The following SLC25A21 variants were observed in gnomAD, a reference collection of about 807,000 sequenced individuals.
The protein encoded by SLC25A21 is solute carrier family 25 member 21.
A neutral mutation model predicts 43.8 loss-of-function variants in SLC25A21; 47 were observed. The observed-to-expected ratio is 1.07, with a 90% CI of 0.85 to 1.37. SLC25A21 has a LOEUF of 1.37. SLC25A21 is among the 40% of genes most tolerant of loss of function. The pLI is 0.00. For missense variants in SLC25A21, 352 were observed against 350.2 expected (o/e 1.00, Z -0.04); for synonymous variants, 131 against 121.3 (o/e 1.08, Z -0.52).
chr14:36,965,832 G>C (rs1959599868), intron 1 of SLC25A21, among the ~76,000 whole-genome samples: 1 of 152,118 alleles, frequency 6.6e-6, no homozygotes, highest in Non-Finnish European at 1.5e-5. Context: ...TTTGGTTTGA[G>C]ATAAGAGCTT....
chr14:37,032,992 T>C (rs116972842), intron 1 of SLC25A21, among the ~76,000 whole-genome samples: 317 of 152,268 alleles, frequency 2.1e-3, no homozygotes, highest in Non-Finnish European at 3.8e-3. Flanking sequence ...AGAACACATA[T>C]GAAATTTACC....
chr14:37,119,535 C>T (rs948472171), intron 1 of SLC25A21, among the ~76,000 whole-genome samples: 3 of 150,346 alleles, frequency 2.0e-5, no homozygotes, highest in East Asian at 2.0e-4. Context: ...CCAGCCTAGG[C>T]GACAGAGTGA....
intron 1 of SLC25A21, among the ~76,000 whole-genome samples, chr14:36,905,952 A>G (rs1010446474): frequency 1.3e-5 from 2 of 152,178 alleles, no homozygotes; most frequent in African/African-American, 4.8e-5. Flanking sequence ...GCAGAAGAAC[A>G]CAATGACAGT....
intron 1 of SLC25A21, among the ~76,000 whole-genome samples, chr14:37,070,997 C>G (rs190682765): frequency 2.0e-5 from 3 of 152,222 alleles, no homozygotes; most frequent in Non-Finnish European, 2.9e-5. Context: ...TCTTTGAAAG[C>G]AGAATTTTCA....
At chr14:36,917,204 AC>A (rs1220570413) in intron 1 of SLC25A21, among the ~76,000 whole-genome samples, 1 of 152,046 alleles carries the variant, frequency 6.6e-6, no homozygotes, top group Non-Finnish European at 1.5e-5. Flanking sequence ...CCAAACACTT[AC>A]CCATAGAAGA....
chr14:36,986,406 T>C (rs546359957), intron 1 of SLC25A21, among the ~76,000 whole-genome samples: 96 of 152,250 alleles, frequency 6.3e-4, no homozygotes, highest in African/African-American at 2.2e-3. Context: ...CCTGACCCTA[T>C]TGGACCTCCA....
intron 1 of SLC25A21, chr14:37,097,035 T>G (rs1255613672): frequency 1.3e-5 from 2 of 148,786 alleles, no homozygotes; most frequent in African/African-American, 5.2e-5. Context: ...TTTTGTTTTT[T>G]TTTTTTGTTT....
intron 1 of SLC25A21, among the ~76,000 whole-genome samples, chr14:37,007,139 C>G (rs576838323): frequency 6.6e-6 from 1 of 152,182 alleles, no homozygotes; most frequent in African/African-American, 2.4e-5. Flanking sequence ...AGTGGCAGTA[C>G]AAATGATCTG....
At chr14:36,795,646 T>G (rs1887645499) in intron 3 of SLC25A21, among the ~76,000 whole-genome samples, 1 of 152,210 alleles carries the variant, frequency 6.6e-6, no homozygotes, top group African/African-American at 2.4e-5. Flanking sequence ...GGGGCTACTG[T>G]GGATCCATGA....
At chr14:36,863,238 C>G (rs1279846762) in intron 2 of SLC25A21, among the ~76,000 whole-genome samples, 1 of 152,138 alleles carries the variant, frequency 6.6e-6, no homozygotes, top group Non-Finnish European at 1.5e-5. Context: ...GGGGTAGGCA[C>G]AGGAGAAGGC....
intron 3 of SLC25A21, among the ~76,000 whole-genome samples, chr14:36,780,740 T>C (rs912644037): frequency 6.6e-6 from 1 of 152,088 alleles, no homozygotes; most frequent in Non-Finnish European, 1.5e-5. Context: ...TTTTGTGGCA[T>C]AATATATAAT....
chr14:36,715,452 T>C (rs1884085410), intron 6 of SLC25A21, among the ~76,000 whole-genome samples: 1 of 152,222 alleles, frequency 6.6e-6, no homozygotes, highest in Admixed American at 6.5e-5. Context: ...GGTAACTGAT[T>C]AGCATCATCA....
At chr14:37,128,063 A>G (rs1360701031) in intron 1 of SLC25A21, among the ~76,000 whole-genome samples, 1 of 152,210 alleles carries the variant, frequency 6.6e-6, no homozygotes, top group African/African-American at 2.4e-5. Flanking sequence ...ACTTTTGTTT[A>G]TTGTGTGGTA....
At chr14:36,800,298 AGC>A (rs991071201) in intron 3 of SLC25A21, among the ~76,000 whole-genome samples, 8 of 152,180 alleles carry the variant, frequency 5.3e-5, no homozygotes, top group African/African-American at 1.9e-4. Flanking sequence ...TACTCCCAAG[AGC>A]CAAAAGGTGG....
intron 1 of SLC25A21, among the ~76,000 whole-genome samples, chr14:36,985,312 T>C (rs1369680127): frequency 1.3e-5 from 2 of 152,086 alleles, no homozygotes; most frequent in Non-Finnish European, 2.9e-5. Flanking sequence ...TGTATATATA[T>C]GTAACTAACC....
chr14:36,721,929 C>T (rs750199882), intron 6 of SLC25A21, among the ~76,000 whole-genome samples: 15 of 152,352 alleles, frequency 9.8e-5, no homozygotes, highest in Non-Finnish European at 1.6e-4. Context: ...AATGCATTCT[C>T]ATGTTAAAAC....
chr14:36,802,580 T>C (rs1887903561), intron 3 of SLC25A21, among the ~76,000 whole-genome samples: 1 of 152,170 alleles, frequency 6.6e-6, no homozygotes, highest in South Asian at 2.1e-4. Flanking sequence ...AACTTCCAAG[T>C]GGAATTCTAA....
chr14:36,678,813 A>T lies in SLC25A21; in HGVS notation c.*1845T>A. 1 of 999,362 alleles carries T rather than the reference A, an allele frequency of 1.0e-6. No homozygotes were observed. Among genetic ancestry groups the T allele is most frequent in the Non-Finnish European group, 1.2e-6 (1 of 829,804 alleles). The allele number at this position is 999,362 out of a possible 1,614,324, so 61.9% of individuals were successfully genotyped here. A position where few individuals can be genotyped will look rare whatever the true frequency, so the allele number is the denominator to read the frequency against. ...TATTGAAGTTTCCTTTTCTCCCTCT[A>T]GGTCTTAACAGTGAATTCACATGGA... is the stretch of plus-strand genomic sequence containing the variant. On this transcript the variant is annotated 3_prime_UTR_variant, in exon 10 of 10. Transcript: ENST00000331299.
rs546725367 is a variant in SLC25A21 at position 36,914,867 on chromosome 14, T to C, written c.71-39863A>G. Among the ~76,000 whole-genome samples, 5 of 152,232 alleles carry C rather than the reference T, an allele frequency of 3.3e-5. No homozygotes were observed. In the South Asian group the frequency reaches 1.0e-3, roughly 32 times the overall value. On this transcript the variant is annotated intron_variant, in intron 1 of 9. Coordinates refer to ENST00000331299, the MANE Select transcript of SLC25A21 (RefSeq NM_030631.4). ...TACTTTAAAGGACTAAATGATTGTCTTTTCCCTGAAGGAAAGAAACTGAAA... is the reference window on the plus strand; with the variant it reads ...TACTTTAAAGGACTAAATGATTGTCCTTTCCCTGAAGGAAAGAAACTGAAA...
Sources: allele counts gnomAD v4.1 joint callset (sites outside exome capture counted in the v4.1 genomes callset), GRCh38; gene constraint gnomAD v4.1.1; transcripts MANE v1.5; gene names NCBI Gene and HGNC (gene_info 2026-07-23, HGNC 2026-07-21).